The following ELOVL3 variants were observed in gnomAD, a reference collection of about 807,000 sequenced individuals.
The protein encoded by ELOVL3 is ELOVL fatty acid elongase 3.
Under a neutral mutation model 14.9 loss-of-function variants are expected in ELOVL3, and 11 were observed. The observed-to-expected ratio is 0.74, with a 90% CI of 0.46 to 1.22. The LOEUF is 1.22. Among genes scored for constraint, ELOVL3 ranks in the 50% most tolerant of loss-of-function variants. The probability of loss-of-function intolerance (pLI) is 0.00; values close to 1 mark genes in which losing one functional copy is unlikely to be tolerated. For synonymous variants in ELOVL3, 117 were observed against 124.7 expected, an observed-to-expected ratio of 0.94 and a Z score of 0.41; for missense variants, 277 against 338.9, an observed-to-expected ratio of 0.82 and a Z score of 1.43.
rs1269681516 is a variant in ELOVL3, at chr10:102,229,269, A to G, written c.*17A>G. 11 of 1,587,380 alleles carry G rather than the reference A, an allele frequency of 6.9e-6. No homozygotes were observed. Among genetic ancestry groups the G allele is most frequent in the African/African-American group, 5.4e-5 (4 of 74,332 alleles). ...AGCCAGTGAAGGTTTGGAGAGAACAATGAAGCTCCAGGCTCTCTCTTCTCC... is the reference window on the plus strand; with the variant it reads ...AGCCAGTGAAGGTTTGGAGAGAACAGTGAAGCTCCAGGCTCTCTCTTCTCC... On this transcript the variant is annotated 3_prime_UTR_variant, in exon 4 of 4. Coordinates refer to ENST00000370005, the MANE Select transcript of ELOVL3 (RefSeq NM_152310.3).
chr10:102,226,237 C>T, upstream of ELOVL3: 1 of 280,386 alleles, frequency 3.6e-6, no homozygotes, highest in Non-Finnish European at 6.8e-6. Context: ...AATCAGAATG[C>T]GGACTGCGTC....
intron 3 of ELOVL3, 123 bp downstream of exon 3, chr10:102,228,691 C>A: frequency 7.0e-7 from 1 of 1,422,982 alleles, no homozygotes; most frequent in Non-Finnish European, 9.7e-7. Flanking sequence ...ACCTCTCACC[C>A]AAGCCCCTCT....
At position 102,226,305 on chromosome 10, in the gene ELOVL3, A is replaced by C; in HGVS notation, c.-244A>C. The C allele has an allele frequency of 2.1e-6, 1 of 470,442 alleles. No individual in the cohort carries two copies. The highest frequency in any genetic ancestry group is 3.8e-6 in the Non-Finnish European group (1 of 260,992). 29.1% of individuals were successfully genotyped at this position (470,442 alleles called of 1,614,324 possible). On this transcript the variant is annotated 5_prime_UTR_variant, in exon 1 of 4. Transcript: ENST00000370005. ...GATTGGATAGCGGCGGGGCGCAGGA[A>C]AGAGGTCGCGCCAGCCCGGGCAGGC...
Position 102,226,666 on chromosome 10 carries a change from G to C in ELOVL3, c.101+17G>C, listed in dbSNP as rs1235464379. The C allele has an allele frequency of 1.2e-6, 2 of 1,602,148 alleles. No homozygotes were observed. The highest frequency in any genetic ancestry group is 8.5e-7 in the Non-Finnish European group (1 of 1,170,004). On this transcript the variant is annotated intron_variant, in intron 1 of 3. Transcript: ENST00000370005. ...GGAGTATTGGTGAGACTTTGGGAGA[G>C]GGAAAGGCCATGCCAGGGCCCCGGG...
rs989147310 is a variant in ELOVL3, at chr10:102,228,667, T to G, written c.385+99T>G. ...CCATGGAGGGTCTCTTTCCTACCCT[T>G]GGGTCCCAATAATACCTCTCACCCA... is the stretch of plus-strand genomic sequence containing the variant. On this transcript the variant is annotated intron_variant, in intron 3 of 3. Transcript: ENST00000370005. 473 of 1,489,904 alleles carry G rather than the reference T, an allele frequency of 3.2e-4. 1 individual carries two copies. The highest frequency in any genetic ancestry group is 1.7e-4 in the Non-Finnish European group (188 of 1,086,386). 92.3% of individuals were successfully genotyped at this position (1,489,904 alleles called of 1,614,324 possible).
chr10:102,227,594 A>G (rs1350063757), intron 1 of ELOVL3, 32 bp from the exon 2 acceptor site: 4 of 1,602,972 alleles, frequency 2.5e-6, no homozygotes, highest in Non-Finnish European at 3.4e-6. Flanking sequence ...GCACCCACCC[A>G]TGAGCCCATC....
Position 102,226,598 on chromosome 10 carries a change from C to G in ELOVL3, c.50C>G (p.Pro17Arg), listed in dbSNP as rs746637539. 20 of 1,613,924 alleles carry G rather than the reference C, an allele frequency of 1.2e-5. No homozygotes were observed. Among genetic ancestry groups the G allele is most frequent in the Non-Finnish European group, 1.5e-5 (18 of 1,179,978 alleles). Residue 17 changes from proline to arginine, a missense_variant, in exon 1 of 4, where the codon CCC (proline) becomes CGC (arginine). By Grantham distance (103) the Pro-to-Arg change is moderately radical (BLOSUM62 -2). Transcript: ENST00000370005. Reference sequence around the variant, plus strand: ...CATGAAGTAAATCAGCTGTTCCAGCCCTATAACTTCGAGCTGTCCAAGGAC... The same window carrying G: ...CATGAAGTAAATCAGCTGTTCCAGCGCTATAACTTCGAGCTGTCCAAGGAC... ...VSHEVNQLFQ[P>R]YNFELSKDMR...
In ELOVL3 at chr10:102,228,873, A is replaced by G; in HGVS notation, c.434A>G (p.His145Arg). The change falls in exon 4 of 4, where the codon CAC becomes CGC. Residue 145 changes from histidine (H) to arginine (R), a missense_variant. His to Arg is a conservative substitution (Grantham distance 29). Transcript: ENST00000370005. Reference sequence around the variant, plus strand: ...CGTAAGCGGCCACTCATCTTTATTCACTGGTACCACCACAGCACAGTGCTC... The same window carrying G: ...CGTAAGCGGCCACTCATCTTTATTCGCTGGTACCACCACAGCACAGTGCTC... ...ILRKRPLIFI[H>R]WYHHSTVLVY... 6.2e-7 allele frequency: 1 copy of G among 1,613,868 alleles called. No individual in the cohort carries two copies. The highest frequency in any genetic ancestry group is 8.5e-7 in the Non-Finnish European group (1 of 1,179,922).
At chr10:102,228,341 TG>T in intron 2 of ELOVL3, 75 bp from the exon 3 acceptor site, 1 of 1,532,862 alleles carries the variant, frequency 6.5e-7, no homozygotes, top group Non-Finnish European at 8.9e-7. Flanking sequence ...CACAGTAACC[TG>T]GCCAAGCCGG....
chr10:102,228,462 A>G lies in ELOVL3; in HGVS notation c.279A>G (p.Leu93=), dbSNP rs2070158551. 7 of 1,613,948 alleles carry G rather than the reference A, an allele frequency of 4.3e-6. No homozygotes were observed. Among genetic ancestry groups the G allele is most frequent in the African/African-American group, 2.7e-5 (2 of 74,870 alleles). The change falls in exon 3 of 4, where the codon CTA becomes CTG. Residue 93 remains leucine (L), a synonymous_variant. Transcript: ENST00000370005. ...VRMWGIMGTV[L]LTGGLKQTVC... Reference sequence around the variant, plus strand: ...TGTGGGGCATTATGGGGACTGTGCTACTTACCGGGGGCCTAAAGCAAACCG... The same window carrying G: ...TGTGGGGCATTATGGGGACTGTGCTGCTTACCGGGGGCCTAAAGCAAACCG...
intron 1 of ELOVL3, 57 bp from the exon 2 acceptor site, chr10:102,227,569 G>T: frequency 6.4e-7 from 1 of 1,565,854 alleles, no homozygotes; most frequent in Non-Finnish European, 8.7e-7. Flanking sequence ...AGATGAGTGG[G>T]CATTTCTCTA....
chr10:102,226,548 G>C lies in ELOVL3; in HGVS notation c.-1G>C. On this transcript the variant is annotated 5_prime_UTR_variant, in exon 1 of 4. Transcript: ENST00000370005. Reference sequence around the variant, plus strand: ...TTGGACCTTGACTTCTGCAAAACTAGATGGTCACAGCCATGAATGTCTCAC... The same window carrying C: ...TTGGACCTTGACTTCTGCAAAACTACATGGTCACAGCCATGAATGTCTCAC... 4 of 1,613,064 alleles carry C rather than the reference G, an allele frequency of 2.5e-6. No individual in the cohort carries two copies. The highest frequency in any genetic ancestry group is 3.4e-6 in the Non-Finnish European group (4 of 1,179,188).
Position 102,229,222 on chromosome 10 carries a change from C to T in ELOVL3, c.783C>T (p.Pro261=). The change falls in exon 4 of 4, where the codon CCC becomes CCT. Residue 261 remains proline, a synonymous_variant. Coordinates refer to ENST00000370005, the MANE Select transcript of ELOVL3 (RefSeq NM_152310.3). ...TCTTCTGCCAGACCTACATCAGGCC[C>T]AAGGTCAAAGCCAAGACCAAGAGCC... ...AHFFCQTYIR[P]KVKAKTKSQ The T allele has an allele frequency of 6.2e-7, 1 of 1,613,066 alleles. No homozygotes were observed. The highest frequency in any genetic ancestry group is 8.5e-7 in the Non-Finnish European group (1 of 1,179,360).
In ELOVL3 at chr10:102,228,904, C is replaced by T; in HGVS notation, c.465C>T (p.Tyr155=). The change falls in exon 4 of 4, where the codon TAC becomes TAT. Residue 155 remains tyrosine, a synonymous_variant. Transcript: ENST00000370005. ...ACCACCACAGCACAGTGCTCGTGTA[C>T]ACAAGCTTTGGATACAAGAACAAAG... is the stretch of plus-strand genomic sequence containing the variant. ...HWYHHSTVLV[Y]TSFGYKNKVP... 1.9e-6 allele frequency: 3 copies of T among 1,614,204 alleles called. No homozygotes were observed. The highest frequency in any genetic ancestry group is 2.5e-6 in the Non-Finnish European group (3 of 1,180,030).
intron 1 of ELOVL3, 120 bp downstream of exon 1, chr10:102,226,769 G>A (rs2070139689): frequency 4.5e-6 from 3 of 671,176 alleles, no homozygotes; most frequent in Non-Finnish European, 5.2e-6. Context: ...CCCTTGTACT[G>A]GCTTCACACT....
upstream of ELOVL3, among the ~76,000 whole-genome samples, chr10:102,225,736 G>C (rs917124523): frequency 6.6e-6 from 1 of 152,106 alleles, no homozygotes; most frequent in Non-Finnish European, 1.5e-5. Context: ...TGTCAGTCTG[G>C]AGCAGTTCAG....
chr10:102,226,466 G>A lies in ELOVL3; in HGVS notation c.-83G>A, dbSNP rs768349037. 4.1e-6 allele frequency: 4 copies of A among 966,290 alleles called. No individual in the cohort carries two copies. The highest frequency in any genetic ancestry group is 6.6e-6 in the Non-Finnish European group (4 of 607,052). The allele number at this position is 966,290 out of a possible 1,614,324, so 59.9% of individuals were successfully genotyped here. On this transcript the variant is annotated 5_prime_UTR_variant, in exon 1 of 4. Coordinates refer to ENST00000370005, the MANE Select transcript of ELOVL3 (RefSeq NM_152310.3). ...TTCTGTCCCGGCTCTGTTCCGTCTC[G>A]CCCCGAGGTTCACGCCATCCTCGGA... is the stretch of plus-strand genomic sequence containing the variant.
At chr10:102,226,878 T>C (rs1419865582) in intron 1 of ELOVL3, among the ~76,000 whole-genome samples, 5 of 151,956 alleles carry the variant, frequency 3.3e-5, no homozygotes, top group Non-Finnish European at 4.4e-5. Flanking sequence ...CGTGGAAATA[T>C]ACAGAAGTCA....
chr10:102,226,754 G>T lies in ELOVL3; in HGVS notation c.101+105G>T, dbSNP rs75592676. On this transcript the variant is annotated intron_variant, in intron 1 of 3. Coordinates refer to ENST00000370005, the MANE Select transcript of ELOVL3 (RefSeq NM_152310.3). Reference sequence around the variant, plus strand: ...GATTTTCTTACAGAGCAGAGTTATGGGACTCCCTTGTACTGGCTTCACACT... The same window carrying T: ...GATTTTCTTACAGAGCAGAGTTATGTGACTCCCTTGTACTGGCTTCACACT... 1.6e-4 allele frequency: 122 copies of T among 779,740 alleles called. No homozygotes were observed. In the East Asian group the frequency reaches 3.1e-3, roughly 19 times the overall value. 48.3% of individuals were successfully genotyped at this position (779,740 alleles called of 1,614,324 possible). A position where few individuals can be genotyped will look rare whatever the true frequency, so the allele number is the denominator to read the frequency against.
Sources: gnomAD v4.1 joint callset for allele counts (sites outside exome capture counted in the v4.1 genomes callset) on GRCh38, gnomAD v4.1.1 for gene constraint, MANE v1.5 for transcripts, NCBI Gene and HGNC (gene_info 2026-07-23, HGNC 2026-07-21) for gene names.